The following TNKS variants were observed in gnomAD, a reference collection of about 807,000 sequenced individuals.
The protein encoded by TNKS is tankyrase.
In TNKS, 72 loss-of-function variants were observed where a neutral mutation model predicts 135.8. That is an observed-to-expected ratio of 0.53 (90% CI 0.44 to 0.64). The LOEUF (loss-of-function observed/expected upper bound fraction) is 0.64, where lower values mean the gene tolerates loss of function less well. Ranked by LOEUF, TNKS falls within the 30% of genes least tolerant of loss-of-function variation. The pLI is 0.00. For missense variants in TNKS, 1,769 were observed against 1,674.0 expected (o/e 1.06, Z -0.99); for synonymous variants, 849 against 649.3 (o/e 1.31, Z -4.68).
chr8:9,772,734 G>A (rs892329297), intron 26 of TNKS, among the ~76,000 whole-genome samples: 7 of 151,062 alleles, frequency 4.6e-5, no homozygotes, highest in African/African-American at 7.3e-5. Flanking sequence ...ATATATACTG[G>A]CATATTTAGG....
intron 3 of TNKS, among the ~76,000 whole-genome samples, chr8:9,649,278 C>T (rs559890295): frequency 2.6e-5 from 4 of 152,182 alleles, no homozygotes; most frequent in South Asian, 2.1e-4. Flanking sequence ...AATATGTAGC[C>T]GTTTGTGCTA....
chr8:9,589,641 G>C (rs994578687), intron 2 of TNKS, among the ~76,000 whole-genome samples: 1 of 152,244 alleles, frequency 6.6e-6, no homozygotes, highest in Non-Finnish European at 1.5e-5. Context: ...GTTTCCTAGT[G>C]TGGACTTGGC....
At chr8:9,622,384 C>T (rs1563123581) in intron 3 of TNKS, among the ~76,000 whole-genome samples, 1 of 152,294 alleles carries the variant, frequency 6.6e-6, no homozygotes, top group East Asian at 1.9e-4. Context: ...CCGCCTGAAT[C>T]CTCCTTTGAT....
At chr8:9,620,439 G>A (rs190852023) in intron 3 of TNKS, among the ~76,000 whole-genome samples, 91 of 152,258 alleles carry the variant, frequency 6.0e-4, no homozygotes, top group African/African-American at 2.0e-3. Flanking sequence ...ACTTCGCTCA[G>A]TTCTCTTCAC....
At chr8:9,605,117 C>A (rs145029970) in intron 2 of TNKS, among the ~76,000 whole-genome samples, 3 of 152,038 alleles carry the variant, frequency 2.0e-5, no homozygotes, top group Non-Finnish European at 4.4e-5. Context: ...CCACTCTAAT[C>A]AAAATAATAC....
intron 1 of TNKS, among the ~76,000 whole-genome samples, chr8:9,579,416 G>A (rs894108689): frequency 6.6e-6 from 1 of 152,076 alleles, no homozygotes; most frequent in Non-Finnish European, 1.5e-5. Flanking sequence ...ATACAATGCT[G>A]TGTGTTGTGA....
At chr8:9,713,688 A>G (rs549543374) in intron 11 of TNKS, among the ~76,000 whole-genome samples, 45 of 152,344 alleles carry the variant, frequency 3.0e-4, no homozygotes, top group South Asian at 2.3e-3. Context: ...GAACCCATAG[A>G]TATCAATTGC....
chr8:9,773,130 C>G (rs979370509), intron 26 of TNKS, among the ~76,000 whole-genome samples: 7 of 151,224 alleles, frequency 4.6e-5, no homozygotes, highest in African/African-American at 1.7e-4. Flanking sequence ...TTTTTTTTAA[C>G]TTTTATTCAG....
chr8:9,662,662 G>A (rs528698079), intron 3 of TNKS, among the ~76,000 whole-genome samples: 2 of 152,088 alleles, frequency 1.3e-5, no homozygotes, highest in African/African-American at 2.4e-5. Context: ...GAGTTAATGG[G>A]TGCAGCATGC....
intron 3 of TNKS, among the ~76,000 whole-genome samples, chr8:9,676,522 G>C (rs907143051): frequency 6.6e-6 from 1 of 152,084 alleles, no homozygotes; most frequent in African/African-American, 2.4e-5. Flanking sequence ...AGTGATTTAA[G>C]TTTTCTTCAT....
chr8:9,717,099 A>T lies in TNKS; in HGVS notation c.1750-3275A>T, dbSNP rs1171685253. On this transcript the variant is annotated intron_variant, in intron 11 of 26. Coordinates refer to ENST00000310430, the MANE Select transcript of TNKS (RefSeq NM_003747.3). Reference sequence around the variant, plus strand: ...TATATATATATATATATATATATATATATTTTCAGGGAATTTGATTGTTTC... The same window carrying T: ...TATATATATATATATATATATATATTTATTTTCAGGGAATTTGATTGTTTC... Among the ~76,000 whole-genome samples, 79 of 124,514 alleles carry T rather than the reference A, an allele frequency of 6.3e-4. 3 individuals are homozygous for T. Among genetic ancestry groups the T allele is most frequent in the Admixed American group, 4.3e-3 (53 of 12,404 alleles). 81.7% of individuals were successfully genotyped at this position (124,514 alleles called of 152,430 possible).
intron 3 of TNKS, among the ~76,000 whole-genome samples, chr8:9,673,915 AT>A (rs1160477129): frequency 1.3e-5 from 2 of 152,172 alleles, no homozygotes; most frequent in Non-Finnish European, 2.9e-5. Flanking sequence ...GATTAGAATT[AT>A]TGAAAAAGTA....
At chr8:9,767,046 T>C (rs1244671478) in intron 25 of TNKS, among the ~76,000 whole-genome samples, 1 of 152,198 alleles carries the variant, frequency 6.6e-6, no homozygotes, top group Non-Finnish European at 1.5e-5. Context: ...AGGCTAAGGA[T>C]GATTTCTGTG....
chr8:9,749,736 G>C (rs957377420), intron 18 of TNKS, among the ~76,000 whole-genome samples: 2 of 152,010 alleles, frequency 1.3e-5, no homozygotes, highest in Non-Finnish European at 2.9e-5. Context: ...TCCTTCCTCA[G>C]CCTCCCAAAG....
chr8:9,713,973 G>A lies in TNKS; in HGVS notation c.1749+3753G>A, dbSNP rs181163457. Reference sequence around the variant, plus strand: ...AGCACCAGTTTTTAATTAGGATTCAGCCCTCTTCCACTGCTTCTAGCACCC... The same window carrying A: ...AGCACCAGTTTTTAATTAGGATTCAACCCTCTTCCACTGCTTCTAGCACCC... On this transcript the variant is annotated intron_variant, in intron 11 of 26. Coordinates refer to ENST00000310430, the MANE Select transcript of TNKS (RefSeq NM_003747.3). Among the ~76,000 whole-genome samples the A allele has an allele frequency of 2.1e-3, 325 of 152,252 alleles. 1 individual carries two copies. Among genetic ancestry groups the A allele is most frequent in the African/African-American group, 7.2e-3 (300 of 41,550 alleles).
intron 2 of TNKS, among the ~76,000 whole-genome samples, chr8:9,585,238 A>C (rs1044104284): frequency 6.6e-6 from 1 of 152,168 alleles, no homozygotes; most frequent in Non-Finnish European, 1.5e-5. Flanking sequence ...CTTACGTGTG[A>C]GATGTACAGA....
At chr8:9,709,469 G>A (rs1222606096) in intron 9 of TNKS, among the ~76,000 whole-genome samples, 1 of 152,074 alleles carries the variant, frequency 6.6e-6, no homozygotes, top group Non-Finnish European at 1.5e-5. Flanking sequence ...TAAAATTTCT[G>A]AGAATATTTT....
chr8:9,742,417 C>A (rs1383250960), intron 17 of TNKS, among the ~76,000 whole-genome samples: 2 of 150,958 alleles, frequency 1.3e-5, no homozygotes, highest in African/African-American at 4.9e-5. Context: ...GCATGACATA[C>A]AGTGACTCTC....
chr8:9,623,344 C>T (rs1479369531), intron 3 of TNKS, among the ~76,000 whole-genome samples: 1 of 151,996 alleles, frequency 6.6e-6, no homozygotes, highest in Non-Finnish European at 1.5e-5. Context: ...GTTATAGATA[C>T]TAACCTGTGT....
Sources: gnomAD v4.1 joint callset for allele counts (sites outside exome capture counted in the v4.1 genomes callset) on GRCh38, gnomAD v4.1.1 for gene constraint, MANE v1.5 for transcripts, NCBI Gene and HGNC (gene_info 2026-07-23, HGNC 2026-07-21) for gene names.